The following ULK4 variants were observed in gnomAD, a reference collection of about 807,000 sequenced individuals.
The protein encoded by ULK4 is inactive serine/threonine-protein kinase ULK4.
In ULK4, 133 loss-of-function variants were observed where a neutral mutation model predicts 160.6. The observed-to-expected ratio is 0.83, with a 90% confidence interval of 0.72 to 0.96. ULK4 has a LOEUF of 0.96. Among genes scored for constraint, ULK4 ranks in the 40% least tolerant of loss-of-function variants. ULK4 has a pLI of 0.00. For missense variants in ULK4, 1,580 were observed against 1,499.5 expected, an observed-to-expected ratio of 1.05 and a Z score of -0.89; for synonymous variants, 534 against 539.8, an observed-to-expected ratio of 0.99 and a Z score of 0.15.
At chr3:41,715,645 A>G (rs2037242082) in intron 23 of ULK4, 77 bp from the exon 24 acceptor site, 1 of 1,567,520 alleles carries the variant, frequency 6.4e-7, no homozygotes. Context: ...TTGCTTGAAT[A>G]CCCATGGGAC....
At position 41,670,217 on chromosome 3, in the gene ULK4, T is replaced by C. The variant is rs1292003750; in HGVS notation, c.2979-6518A>G. Among the ~76,000 whole-genome samples the C allele has an allele frequency of 1.9e-4, 29 of 152,178 alleles. 1 individual carries two copies. Among genetic ancestry groups the C allele is most frequent in the Non-Finnish European group, 4.1e-4 (28 of 68,014 alleles). ...CTGCCAAACAGCAAGGACACTGAGG[T>C]AAAATCTAACTTTTGAGAAGGTTAA... On this transcript the variant is annotated intron_variant, in intron 29 of 36. Coordinates refer to ENST00000301831, the MANE Select transcript of ULK4 (RefSeq NM_017886.4).
At chr3:41,902,316 A>AG (rs376159094) in intron 12 of ULK4, among the ~76,000 whole-genome samples, 168 of 152,334 alleles carry the variant, frequency 1.1e-3, no homozygotes, top group African/African-American at 3.9e-3. Context: ...GCAGTGGCTT[A>AG]GGCCTGTAAT....
chr3:41,844,563 C>A (rs1034429826), intron 17 of ULK4, among the ~76,000 whole-genome samples: 4 of 152,178 alleles, frequency 2.6e-5, no homozygotes, highest in Non-Finnish European at 5.9e-5. Context: ...CATCTCCCTG[C>A]AAGCTGAGGG....
intron 17 of ULK4, among the ~76,000 whole-genome samples, chr3:41,852,137 A>G (rs1368695791): frequency 6.6e-6 from 1 of 152,242 alleles, no homozygotes; most frequent in Non-Finnish European, 1.5e-5. Context: ...GAAAATCTAG[A>G]AGAAATGGAT....
At chr3:41,345,544 T>A (rs1316861898) in intron 35 of ULK4, among the ~76,000 whole-genome samples, 1 of 152,198 alleles carries the variant, frequency 6.6e-6, no homozygotes, top group Non-Finnish European at 1.5e-5. Flanking sequence ...AAACACTGCA[T>A]GTTCTCACTT....
intron 35 of ULK4, among the ~76,000 whole-genome samples, chr3:41,369,123 G>T (rs1178805849): frequency 6.6e-6 from 1 of 152,184 alleles, no homozygotes; most frequent in African/African-American, 2.4e-5. Context: ...TTTTCAAAAT[G>T]ATGAGAGTAC....
chr3:41,721,874 C>A (rs1000603744), intron 22 of ULK4, among the ~76,000 whole-genome samples: 1 of 152,194 alleles, frequency 6.6e-6, no homozygotes, highest in Non-Finnish European at 1.5e-5. Context: ...ACCAACAGTA[C>A]TCCAGCAGTA....
At chr3:41,430,192 C>A (rs1243901238) in intron 34 of ULK4, among the ~76,000 whole-genome samples, 2 of 152,116 alleles carry the variant, frequency 1.3e-5, no homozygotes, top group East Asian at 3.9e-4. Context: ...ACTACCACTT[C>A]CTAACAGTAG....
rs566805860 is a variant in ULK4, at chr3:41,901,479, C to CTTTTTTTTTTTTTTT, written c.1183-665_1183-651dup. On this transcript the variant is annotated intron_variant, in intron 12 of 36. Transcript: ENST00000301831. ...ACAGGCGTGAGCCACCACGCCCAGC[C>CTTTTTTTTTTTTTTT]TTTTTTTTTTTTTTTTTTTGAGATA... Among the ~76,000 whole-genome samples the CTTTTTTTTTTTTTTT allele has an allele frequency of 4.4e-4, 10 of 22,546 alleles. 3 individuals carry two copies. The highest frequency in any genetic ancestry group is 2.8e-3 in the East Asian group (2 of 716). The allele number at this position is 22,546 out of a possible 152,430, so 14.8% of individuals were successfully genotyped here.
At chr3:41,604,266 T>C (rs554988470) in intron 31 of ULK4, among the ~76,000 whole-genome samples, 2 of 152,100 alleles carry the variant, frequency 1.3e-5, no homozygotes, top group African/African-American at 2.4e-5. Context: ...GAGGCAACCA[T>C]GGCCAGATCA....
At chr3:41,553,395 C>G (rs967158254) in intron 32 of ULK4, among the ~76,000 whole-genome samples, 9 of 151,472 alleles carry the variant, frequency 5.9e-5, no homozygotes, top group Admixed American at 4.6e-4. Context: ...AGGGACTCAA[C>G]AAAACAATAA....
intron 31 of ULK4, among the ~76,000 whole-genome samples, chr3:41,579,682 CGG>C (rs2125627675): frequency 1.3e-5 from 2 of 151,832 alleles, no homozygotes; most frequent in African/African-American, 4.8e-5. Context: ...TTAGTAGAGA[CGG>C]GGTTTCACCG....
At chr3:41,833,065 G>A (rs2041643830) in intron 18 of ULK4, among the ~76,000 whole-genome samples, 1 of 152,066 alleles carries the variant, frequency 6.6e-6, no homozygotes, top group Non-Finnish European at 1.5e-5. Flanking sequence ...CTAATTCTGT[G>A]AAGAATGTCA....
intron 34 of ULK4, among the ~76,000 whole-genome samples, chr3:41,435,659 C>G (rs1049884059): frequency 6.6e-6 from 1 of 152,114 alleles, no homozygotes; most frequent in Non-Finnish European, 1.5e-5. Context: ...CTTAAGAATA[C>G]AGACAGGCTG....
At chr3:41,879,204 G>A (rs141365978) in intron 17 of ULK4, among the ~76,000 whole-genome samples, 128 of 152,016 alleles carry the variant, frequency 8.4e-4, no homozygotes, top group African/African-American at 2.9e-3. Context: ...CACTAACTGG[G>A]TATTAGATGA....
chr3:41,280,331 T>A (rs1303016132), intron 35 of ULK4, among the ~76,000 whole-genome samples: 1 of 152,188 alleles, frequency 6.6e-6, no homozygotes, highest in East Asian at 1.9e-4. Context: ...TACAGAACTC[T>A]CCACCTCAAA....
intron 31 of ULK4, among the ~76,000 whole-genome samples, chr3:41,580,749 G>A (rs953723160): frequency 6.6e-5 from 10 of 152,190 alleles, no homozygotes; most frequent in African/African-American, 2.4e-4. Flanking sequence ...GCAAGCAGCA[G>A]GGAAGGGCAC....
rs370038235 is a variant in ULK4, at chr3:41,444,762, A to T, written c.3492+10735T>A. On this transcript the variant is annotated intron_variant, in intron 34 of 36. Coordinates refer to ENST00000301831, the MANE Select transcript of ULK4 (RefSeq NM_017886.4). ...TGAAAGGCCGAGGTGGACGGATCAC[A>T]AAGTCAGGAGTTTGAGATCAACCTG... Among the ~76,000 whole-genome samples, 315 of 152,210 alleles carry T rather than the reference A, an allele frequency of 2.1e-3. 4 individuals carry two copies. The South Asian group carries it at 0.023, about 11-fold the overall frequency.
At chr3:41,299,166 T>C (rs1214030334) in intron 35 of ULK4, among the ~76,000 whole-genome samples, 2 of 152,174 alleles carry the variant, frequency 1.3e-5, no homozygotes, top group Non-Finnish European at 2.9e-5. Flanking sequence ...ACTTCAGTTC[T>C]CTCCTTTGGG....
Sources: gnomAD v4.1 joint callset for allele counts (sites outside exome capture counted in the v4.1 genomes callset) on GRCh38, gnomAD v4.1.1 for gene constraint, MANE v1.5 for transcripts, NCBI Gene and HGNC (gene_info 2026-07-23, HGNC 2026-07-21) for gene names.